The following PALM2AKAP2 variants were observed in gnomAD, a reference collection of about 807,000 sequenced individuals.
PALM2AKAP2 encodes the protein PALM2-AKAP2 fusion protein.
Under a neutral mutation model 71.5 loss-of-function variants are expected in PALM2AKAP2, and 37 were observed. That is an observed-to-expected ratio of 0.52 (90% CI 0.40 to 0.68). The LOEUF (loss-of-function observed/expected upper bound fraction) is 0.68, where lower values mean the gene tolerates loss of function less well. PALM2AKAP2 is among the 30% of genes least tolerant of loss of function. The pLI is 0.00. For synonymous variants in PALM2AKAP2, 468 were observed against 478.8 expected, an observed-to-expected ratio of 0.98 and a Z score of 0.29; for missense variants, 1,224 against 1,191.8, an observed-to-expected ratio of 1.03 and a Z score of -0.40.
At chr9:110,077,110 A>C (rs1449377337) in intron 1 of PALM2AKAP2, among the ~76,000 whole-genome samples, 1 of 152,174 alleles carries the variant, frequency 6.6e-6, no homozygotes, top group African/African-American at 2.4e-5. Flanking sequence ...TCATAGCATA[A>C]GCTCTGGAGC....
exon 2 of PALM2AKAP2, chr9:110,136,594 T>G: frequency 6.2e-7 from 1 of 1,613,742 alleles, no homozygotes; most frequent in African/African-American, 1.3e-5. Context: ...AGCTCAGTAA[T>G]AGCAGCCCTG....
At chr9:109,756,449 T>C (rs1828965549) in intron 1 of PALM2AKAP2, among the ~76,000 whole-genome samples, 1 of 152,210 alleles carries the variant, frequency 6.6e-6, no homozygotes, top group South Asian at 2.1e-4. Context: ...TGTTTTCCTA[T>C]TTTGTTGTTT....
At chr9:110,097,762 G>A (rs1834889219) in intron 1 of PALM2AKAP2, among the ~76,000 whole-genome samples, 1 of 143,654 alleles carries the variant, frequency 7.0e-6, no homozygotes, top group East Asian at 1.9e-4. Context: ...ACGGGGTGGC[G>A]GCCGGGCAGA....
intron 1 of PALM2AKAP2, among the ~76,000 whole-genome samples, chr9:109,751,338 C>A (rs1170191266): frequency 6.6e-6 from 1 of 152,174 alleles, no homozygotes; most frequent in Non-Finnish European, 1.5e-5. Context: ...GCCTGCTCCA[C>A]AGACAGCCCC....
At chr9:109,934,284 A>G (rs552008553) in intron 6 of PALM2AKAP2, among the ~76,000 whole-genome samples, 37 of 152,228 alleles carry the variant, frequency 2.4e-4, no homozygotes, top group African/African-American at 8.4e-4. Flanking sequence ...GGTTCTGACT[A>G]TTGGGAAATT....
exon 2 of PALM2AKAP2, chr9:110,136,583 G>C (rs765530304): frequency 1.9e-6 from 3 of 1,613,512 alleles, no homozygotes; most frequent in East Asian, 4.5e-5. Context: ...TCCTCACATC[G>C]AGCTCAGTAA....
chr9:109,849,050 A>G (rs1355926930), intron 1 of PALM2AKAP2, among the ~76,000 whole-genome samples: 2 of 152,246 alleles, frequency 1.3e-5, no homozygotes, highest in East Asian at 3.9e-4. Context: ...GACTCCACAT[A>G]GAGGAGAGGA....
chr9:110,157,852 C>T (rs188901179), intron 3 of PALM2AKAP2, among the ~76,000 whole-genome samples: 1 of 152,312 alleles, frequency 6.6e-6, no homozygotes, highest in East Asian at 1.9e-4. Flanking sequence ...GGAGTTGAAG[C>T]CCAGATGCTG....
intron 6 of PALM2AKAP2, among the ~76,000 whole-genome samples, chr9:109,988,778 G>T (rs1163581070): frequency 2.0e-5 from 3 of 152,172 alleles, no homozygotes; most frequent in Non-Finnish European, 2.9e-5. Context: ...TGGTTTGGTT[G>T]TATCCCTACC....
At chr9:110,056,260 G>C (rs528026818) in intron 1 of PALM2AKAP2, among the ~76,000 whole-genome samples, 2 of 152,218 alleles carry the variant, frequency 1.3e-5, no homozygotes, top group Admixed American at 1.3e-4. Flanking sequence ...AGCTGACTGC[G>C]TCAGCTTACA....
intron 6 of PALM2AKAP2, among the ~76,000 whole-genome samples, chr9:109,939,543 G>T (rs1831311559): frequency 6.6e-6 from 1 of 152,168 alleles, no homozygotes; most frequent in Admixed American, 6.5e-5. Flanking sequence ...ATAAGATATT[G>T]TACCTACAAA....
chr9:109,710,796 T>C (rs985512567), intron 1 of PALM2AKAP2, among the ~76,000 whole-genome samples: 2 of 152,138 alleles, frequency 1.3e-5, no homozygotes, highest in Non-Finnish European at 2.9e-5. Context: ...AGCTCAGAAA[T>C]GTTTGGAGCC....
intron 1 of PALM2AKAP2, among the ~76,000 whole-genome samples, chr9:110,093,962 G>T (rs1242084876): frequency 6.6e-6 from 1 of 152,156 alleles, no homozygotes; most frequent in Admixed American, 6.5e-5. Context: ...TCTCCAAGGG[G>T]ACATTTGGCA....
intron 1 of PALM2AKAP2, among the ~76,000 whole-genome samples, chr9:110,115,531 C>CA (rs1835343670): frequency 6.6e-6 from 1 of 152,206 alleles, no homozygotes; most frequent in Admixed American, 6.5e-5. Flanking sequence ...CCAGAATTAC[C>CA]ACTTAACCCT....
At chr9:109,927,470 C>T (rs1210008930) in intron 5 of PALM2AKAP2, among the ~76,000 whole-genome samples, 1 of 152,170 alleles carries the variant, frequency 6.6e-6, no homozygotes, top group African/African-American at 2.4e-5. Context: ...AATCCAGGTC[C>T]AGTTAGGATT....
chr9:109,951,829 A>G (rs1165079804), intron 6 of PALM2AKAP2, among the ~76,000 whole-genome samples: 1 of 151,946 alleles, frequency 6.6e-6, no homozygotes, highest in Non-Finnish European at 1.5e-5. Context: ...CACTAATCCA[A>G]TCTCCCAACA....
At chr9:109,743,361 G>T (rs1200308196) in intron 1 of PALM2AKAP2, among the ~76,000 whole-genome samples, 2 of 151,684 alleles carry the variant, frequency 1.3e-5, no homozygotes, top group African/African-American at 4.8e-5. Context: ...GACAATGACG[G>T]TTAGGAGCAA....
intron 3 of PALM2AKAP2, among the ~76,000 whole-genome samples, chr9:109,883,034 G>T (rs117872238): frequency 6.6e-6 from 1 of 152,220 alleles, no homozygotes; most frequent in East Asian, 1.9e-4. Flanking sequence ...CAAATATGTT[G>T]TTATTATGGT....
chr9:109,649,353 T>C (rs150022835), intron 1 of PALM2AKAP2, among the ~76,000 whole-genome samples: 2,456 of 152,310 alleles, frequency 0.016, 68 homozygotes, highest in African/African-American at 0.051. Flanking sequence ...CTGATGTTCC[T>C]ATGAGTTTCC....
Sources: allele counts gnomAD v4.1 joint callset (sites outside exome capture counted in the v4.1 genomes callset), GRCh38; gene constraint gnomAD v4.1.1; transcripts MANE v1.5; gene names NCBI Gene and HGNC (gene_info 2026-07-23, HGNC 2026-07-21).